NIPBL: variants seen among roughly 807,000 people sequenced by gnomAD.
The protein encoded by NIPBL is NIPBL cohesin loading factor.
Under a neutral mutation model 321.8 loss-of-function variants are expected in NIPBL, and 19 were observed. That is an observed-to-expected ratio of 0.06 (90% CI 0.04 to 0.09). NIPBL has a LOEUF of 0.09. Ranked by LOEUF, NIPBL falls within the 10% of genes least tolerant of loss-of-function variation. NIPBL has a pLI of 1.00. For synonymous variants in NIPBL, 1,106 were observed against 1,114.1 expected, an observed-to-expected ratio of 0.99 and a Z score of 0.14; for missense variants, 2,210 against 3,327.0, an observed-to-expected ratio of 0.66 and a Z score of 8.26.
Position 37,001,074 on chromosome 5 carries a change from G to A in NIPBL, c.3660G>A (p.Ala1220=), listed in dbSNP as rs143252734. Residue 1220 remains alanine (A), a synonymous_variant, in exon 14 of 47, where the codon GCG becomes GCA. Coordinates refer to ENST00000282516, the MANE Select transcript of NIPBL (RefSeq NM_133433.4). ...ATTTGGAAGATATGGATTTTACTGC[G>A]TTTGGTAAAATCAACTTAAAATACA... The part of the protein sequence containing the change: ...LDNLEDMDFT[A]FGDDDEIPQE... The A allele has an allele frequency of 1.7e-5, 27 of 1,593,512 alleles. No homozygotes were observed. The highest frequency in any genetic ancestry group is 3.3e-5 in the South Asian group (3 of 90,626).
intron 32 of NIPBL, among the ~76,000 whole-genome samples, chr5:37,030,177 T>TGTA (rs1750810528): frequency 6.6e-6 from 1 of 152,178 alleles, no homozygotes; most frequent in Non-Finnish European, 1.5e-5. Context: ...AATGATAGTT[T>TGTA]TACTTGTACA....
In NIPBL at chr5:36,987,906, T is replaced by G. The variant is rs1745020323; in HGVS notation, c.3121+1605T>G. ...CAATTGTTTTCTTTTAGGTAAAAAT[T>G]TTCTTTAAAATTTTTTAGTGAAAGT... On this transcript the variant is annotated intron_variant, in intron 10 of 46. Transcript: ENST00000282516. Among the ~76,000 whole-genome samples, 3 of 152,122 alleles carry G rather than the reference T, an allele frequency of 2.0e-5. No individual in the cohort carries two copies. In the South Asian group the frequency reaches 6.2e-4, roughly 32 times the overall value.
intron 33 of NIPBL, among the ~76,000 whole-genome samples, 187 bp from the exon 34 acceptor site, chr5:37,038,415 A>G (rs1579532204): frequency 6.6e-6 from 1 of 151,602 alleles, no homozygotes; most frequent in Non-Finnish European, 1.5e-5. Context: ...TATCTTGAGT[A>G]TTATTTCTAT....
chr5:37,056,230 G>A (rs1040539156), intron 42 of NIPBL, among the ~76,000 whole-genome samples: 1 of 152,120 alleles, frequency 6.6e-6, no homozygotes, highest in Non-Finnish European at 1.5e-5. Flanking sequence ...TAAAAATAGA[G>A]TGAGAGTGAT....
chr5:36,975,897 A>G lies in NIPBL; in HGVS notation c.990A>G (p.Lys330=). ...AACAAAAGAAGCAGAAGAAAATGAAATTAGGCAAGGATGAAAAAGAGCAGA... is the reference window on the plus strand; with the variant it reads ...AACAAAAGAAGCAGAAGAAAATGAAGTTAGGCAAGGATGAAAAAGAGCAGA... ...ERKQKKQKKM[K]LGKDEKEQSE... Residue 330 remains lysine (K), a synonymous_variant, in exon 9 of 47, where the codon AAA becomes AAG. Coordinates refer to ENST00000282516, the MANE Select transcript of NIPBL (RefSeq NM_133433.4). 1 of 1,612,216 alleles carries G rather than the reference A, an allele frequency of 6.2e-7. No individual in the cohort carries two copies. The highest frequency in any genetic ancestry group is 8.5e-7 in the Non-Finnish European group (1 of 1,179,162).
intron 1 of NIPBL, among the ~76,000 whole-genome samples, chr5:36,916,847 T>G (rs1436708361): frequency 1.3e-5 from 2 of 152,220 alleles, no homozygotes; most frequent in African/African-American, 4.8e-5. Context: ...TTTTTATGGC[T>G]GCATAGTATT....
Position 36,985,034 on chromosome 5 carries a change from T to C in NIPBL, c.1854T>C (p.Ser618=), listed in dbSNP as rs1359594199. 3 of 1,613,856 alleles carry C rather than the reference T, an allele frequency of 1.9e-6. No homozygotes were observed. The highest frequency in any genetic ancestry group is 1.1e-5 in the South Asian group (1 of 91,068). Residue 618 remains serine, a synonymous_variant, in exon 10 of 47, where the codon AGT becomes AGC. Coordinates refer to ENST00000282516, the MANE Select transcript of NIPBL (RefSeq NM_133433.4). The part of the protein sequence containing the change: ...LSKSEMKQSE[S]RLAESKPNEN... ...AGAGTGAAATGAAACAAAGTGAAAG[T>C]AGATTAGCAGAATCTAAACCAAATG...
At chr5:36,937,127 T>C (rs913506350) in intron 1 of NIPBL, among the ~76,000 whole-genome samples, 1 of 152,196 alleles carries the variant, frequency 6.6e-6, no homozygotes, top group Admixed American at 6.6e-5. Flanking sequence ...TTTTAAAATT[T>C]GGAATCTTGG....
intron 39 of NIPBL, 55 bp from the exon 40 acceptor site, chr5:37,049,056 G>A: frequency 6.4e-7 from 1 of 1,566,866 alleles, no homozygotes; most frequent in Non-Finnish European, 8.8e-7. Flanking sequence ...GAAATATTTA[G>A]TAAAGTTAGT....
intron 1 of NIPBL, among the ~76,000 whole-genome samples, chr5:36,942,477 C>T (rs534665271): frequency 1.3e-4 from 17 of 133,344 alleles, no homozygotes; most frequent in Admixed American, 7.1e-4. Flanking sequence ...CGGTGGCTAA[C>T]GCCTTGAAAT....
At chr5:36,925,163 A>G (rs1387891574) in intron 1 of NIPBL, among the ~76,000 whole-genome samples, 2 of 152,168 alleles carry the variant, frequency 1.3e-5, no homozygotes, top group Middle Eastern at 3.2e-3. Context: ...GATGCTATCT[A>G]TTAATAGCAT....
At chr5:37,008,550 A>C in intron 19 of NIPBL, 73 bp from the exon 20 acceptor site, 1 of 812,884 alleles carries the variant, frequency 1.2e-6, no homozygotes, top group East Asian at 2.4e-5. Flanking sequence ...GTAATTTTTT[A>C]AATCACATGA....
At chr5:36,949,984 T>C (rs372672590) in intron 1 of NIPBL, among the ~76,000 whole-genome samples, 1 of 152,064 alleles carries the variant, frequency 6.6e-6, no homozygotes, top group Non-Finnish European at 1.5e-5. Flanking sequence ...AAGCATTCTT[T>C]TAATTAAACC....
intron 1 of NIPBL, among the ~76,000 whole-genome samples, chr5:36,916,161 G>A (rs1027134052): frequency 1.3e-5 from 2 of 152,196 alleles, no homozygotes; most frequent in African/African-American, 4.8e-5. Context: ...CAAATTTGAA[G>A]TTTCCTAATA....
intron 25 of NIPBL, among the ~76,000 whole-genome samples, chr5:37,019,695 AG>A (rs1749406010): frequency 6.6e-6 from 1 of 152,174 alleles, no homozygotes; most frequent in South Asian, 2.1e-4. Flanking sequence ...TCTCAGAGTG[AG>A]TATGGGCCGA....
chr5:36,945,066 A>G (rs1055947932), intron 1 of NIPBL, among the ~76,000 whole-genome samples: 2 of 152,202 alleles, frequency 1.3e-5, no homozygotes, highest in Admixed American at 6.5e-5. Flanking sequence ...TTTGCAATAT[A>G]AAAGAAGATG....
At chr5:37,023,506 A>G (rs1339025323) in intron 29 of NIPBL, among the ~76,000 whole-genome samples, 1 of 152,050 alleles carries the variant, frequency 6.6e-6, no homozygotes, top group Non-Finnish European at 1.5e-5. Flanking sequence ...TAAGTCAAAC[A>G]TTTTTTACTT....
At chr5:36,903,824 C>T (rs955729835) in intron 1 of NIPBL, among the ~76,000 whole-genome samples, 4 of 151,906 alleles carry the variant, frequency 2.6e-5, no homozygotes, top group East Asian at 1.9e-4. Context: ...CAAAGATTGC[C>T]GCTAGTATTT....
Position 36,927,841 on chromosome 5 carries a change from A to G in NIPBL, c.-79-25777A>G, listed in dbSNP as rs114480894. ...AGTGTTTAAAATCCTTGAGACATGG[A>G]AATCACCAAGGGAGAATAAAGTGGT... is the stretch of plus-strand genomic sequence containing the variant. On this transcript the variant is annotated intron_variant, in intron 1 of 46. Coordinates refer to ENST00000282516, the MANE Select transcript of NIPBL (RefSeq NM_133433.4). Among the ~76,000 whole-genome samples, 222 of 152,206 alleles carry G rather than the reference A, an allele frequency of 1.5e-3. 1 individual carries two copies. In the South Asian group the frequency reaches 0.044, roughly 30 times the overall value.
Sources: gnomAD v4.1 joint callset for allele counts (sites outside exome capture counted in the v4.1 genomes callset) on GRCh38, gnomAD v4.1.1 for gene constraint, MANE v1.5 for transcripts, NCBI Gene and HGNC (gene_info 2026-07-23, HGNC 2026-07-21) for gene names.